The following SMARCAD1 variants were observed in gnomAD, a reference collection of about 807,000 sequenced individuals.
SMARCAD1 encodes SWI/SNF-related matrix-associated actin-dependent regulator of chromatin subfamily A containing DEAD/H box 1.
A neutral mutation model predicts 127.1 loss-of-function variants in SMARCAD1; 25 were observed. The ratio of observed to expected loss-of-function variants is 0.20; its 90% CI spans 0.14 to 0.27. The LOEUF (loss-of-function observed/expected upper bound fraction) is 0.27. Ranked by LOEUF, SMARCAD1 falls within the 10% of genes least tolerant of loss-of-function variation. SMARCAD1 has a pLI of 1.00. For synonymous variants in SMARCAD1, 400 were observed against 396.9 expected (o/e 1.01, Z -0.09); for missense variants, 807 against 1,206.0 (o/e 0.67, Z 4.90).
chr4:94,276,476 T>C lies in SMARCAD1; in HGVS notation c.1944+2T>C. ...TACCAGCACCTTATGACAATTAATG[T>C]AAGAGAATGTTTGTAAAGTTTTCCA... On this transcript the variant is annotated splice_donor_variant, in intron 15 of 23. Transcript: ENST00000354268. LOFTEE classifies it high-confidence loss of function. 1 of 1,614,102 alleles carries C rather than the reference T, an allele frequency of 6.2e-7. No homozygotes were observed. The highest frequency in any genetic ancestry group is 8.5e-7 in the Non-Finnish European group (1 of 1,180,004).
chr4:94,269,385 T>C (rs1462382285), intron 10 of SMARCAD1, among the ~76,000 whole-genome samples: 3 of 152,168 alleles, frequency 2.0e-5, no homozygotes, highest in Admixed American at 2.0e-4. Context: ...TTCACATTAA[T>C]GTAAGGTGTT....
chr4:94,226,164 G>A lies in SMARCAD1; in HGVS notation c.236G>A (p.Ser79Asn), dbSNP rs371482856. The A allele has an allele frequency of 1.2e-6, 2 of 1,611,816 alleles. No individual in the cohort carries two copies. Among genetic ancestry groups the A allele is most frequent in the South Asian group, 1.1e-5 (1 of 90,948 alleles). ...PETPDNERKA[S>N]ISYFKNQRGI... ...ACTCCAGATAATGAAAGAAAAGCAAGTATATCATATTTCAAAAATCAAAGA... is the reference window on the plus strand; with the variant it reads ...ACTCCAGATAATGAAAGAAAAGCAAATATATCATATTTCAAAAATCAAAGA... Residue 79 changes from serine to asparagine, a missense_variant, in exon 3 of 24, where the codon AGT (serine) becomes AAT (asparagine). Around this residue, in one of 8 missense-constraint regions of SMARCAD1, gnomAD observed 175 missense variants for 169.5 expected, o/e 1.03. Transcript: ENST00000354268.
At chr4:94,250,280 T>C (rs1249726040) in intron 7 of SMARCAD1, among the ~76,000 whole-genome samples, 1 of 152,010 alleles carries the variant, frequency 6.6e-6, no homozygotes, top group South Asian at 2.1e-4. Flanking sequence ...CATATTTGTT[T>C]AGCATTTAGA....
At chr4:94,246,731 G>A (rs1748485663) in intron 6 of SMARCAD1, among the ~76,000 whole-genome samples, 1 of 152,092 alleles carries the variant, frequency 6.6e-6, no homozygotes, top group African/African-American at 2.4e-5. Context: ...CAGTATAGTG[G>A]ATCAAGTGAT....
At chr4:94,212,614 G>T (rs1742460336) in intron 2 of SMARCAD1, among the ~76,000 whole-genome samples, 1 of 152,010 alleles carries the variant, frequency 6.6e-6, no homozygotes, top group Non-Finnish European at 1.5e-5. Context: ...AGCCTCCCAA[G>T]TAGCTGAGAC....
chr4:94,228,757 C>T (rs1745393776), intron 3 of SMARCAD1, among the ~76,000 whole-genome samples: 1 of 151,922 alleles, frequency 6.6e-6, no homozygotes, highest in Non-Finnish European at 1.5e-5. Context: ...AGTCCCTGGA[C>T]CATATTTTCA....
chr4:94,239,854 T>G (rs956105332), intron 5 of SMARCAD1, among the ~76,000 whole-genome samples: 6 of 152,176 alleles, frequency 3.9e-5, no homozygotes, highest in Non-Finnish European at 7.3e-5. Context: ...ATTACAGGCA[T>G]GAGCTGTGCA....
chr4:94,231,153 G>C (rs1225237901), intron 3 of SMARCAD1, among the ~76,000 whole-genome samples: 1 of 152,166 alleles, frequency 6.6e-6, no homozygotes, highest in African/African-American at 2.4e-5. Flanking sequence ...TGAAATGGAG[G>C]AGAATGGGGT....
intron 23 of SMARCAD1, 30 bp downstream of exon 23, chr4:94,285,099 ATT>A (rs1560572211): frequency 3.0e-5 from 40 of 1,330,574 alleles, no homozygotes; most frequent in Non-Finnish European, 4.0e-5. Context: ...AAACTTCAAT[ATT>A]TATCTATATG....
intron 2 of SMARCAD1, among the ~76,000 whole-genome samples, chr4:94,223,088 T>A (rs1345039393): frequency 6.6e-6 from 1 of 152,172 alleles, no homozygotes; most frequent in Non-Finnish European, 1.5e-5. Flanking sequence ...CTAGTTCTCC[T>A]AATCCTCACT....
chr4:94,278,154 C>T (rs1203447913), intron 16 of SMARCAD1, among the ~76,000 whole-genome samples: 1 of 152,194 alleles, frequency 6.6e-6, no homozygotes, highest in Admixed American at 6.5e-5. Context: ...CAGTTGATGA[C>T]TTCTGAACAC....
intron 7 of SMARCAD1, among the ~76,000 whole-genome samples, chr4:94,250,023 C>T (rs932942862): frequency 6.6e-6 from 1 of 151,860 alleles, no homozygotes; most frequent in African/African-American, 2.4e-5. Context: ...ACATGTAAGT[C>T]ATCTAGAAAG....
intron 23 of SMARCAD1, among the ~76,000 whole-genome samples, chr4:94,285,533 T>G (rs571652043): frequency 6.8e-4 from 103 of 152,306 alleles, no homozygotes; most frequent in Admixed American, 2.7e-3. Flanking sequence ...AATAAGCAAG[T>G]TTTTTCATTC....
Position 94,290,290 on chromosome 4 carries a change from G to A in SMARCAD1, c.*756G>A, listed in dbSNP as rs1213902552. 2.2e-6 allele frequency: 1 copy of A among 454,446 alleles called. No homozygotes were observed. Among genetic ancestry groups the A allele is most frequent in the Admixed American group, 2.3e-5 (1 of 42,558 alleles). The allele number at this position is 454,446 out of a possible 1,614,324, so 28.2% of individuals were successfully genotyped here. A position where few individuals can be genotyped will look rare whatever the true frequency, so the allele number is the denominator to read the frequency against. On this transcript the variant is annotated 3_prime_UTR_variant, in exon 24 of 24. Transcript: ENST00000354268. Reference sequence around the variant, plus strand: ...GCCTAATCTTGTGCATGTTTTCATTGATTTCCCTCTCCCGGCTTTTGCTTC... The same window carrying A: ...GCCTAATCTTGTGCATGTTTTCATTAATTTCCCTCTCCCGGCTTTTGCTTC...
chr4:94,234,171 G>T (rs767670844), intron 4 of SMARCAD1, 49 bp downstream of exon 4: 36 of 1,496,912 alleles, frequency 2.4e-5, no homozygotes, highest in Admixed American at 3.9e-5. Flanking sequence ...AATCTCTCCT[G>T]CATTCAGTGC....
At chr4:94,270,897 CTTT>C (rs571705829) in intron 11 of SMARCAD1, 79 bp downstream of exon 11, 14 of 1,311,034 alleles carry the variant, frequency 1.1e-5, no homozygotes, top group Non-Finnish European at 1.5e-5. Flanking sequence ...AAACATGAAA[CTTT>C]TTTTTGCTAC....
At position 94,276,368 on chromosome 4, in the gene SMARCAD1, A is replaced by G; in HGVS notation, c.1838A>G (p.Asp613Gly). ...AACTGTGCGATCAGCAGTTCTGATG[A>G]CCGTAGTCTGTTTCGACGGCTGAAA... The part of the protein sequence containing the change: ...TYNCAISSSD[D>G]RSLFRRLKLN... Residue 613 changes from aspartate to glycine, a missense_variant, in exon 15 of 24, where the codon GAC becomes GGC. By Grantham distance (94) the Asp-to-Gly change is moderately conservative (BLOSUM62 -1). Transcript: ENST00000354268. 6.2e-7 allele frequency: 1 copy of G among 1,614,134 alleles called. No individual in the cohort carries two copies. The highest frequency in any genetic ancestry group is 8.5e-7 in the Non-Finnish European group (1 of 1,180,028).
At chr4:94,247,646 G>C (rs982653999) in intron 6 of SMARCAD1, among the ~76,000 whole-genome samples, 1 of 151,994 alleles carries the variant, frequency 6.6e-6, no homozygotes, top group South Asian at 2.1e-4. Context: ...TCATCACCTC[G>C]TAATAGCATG....
chr4:94,279,960 G>A (rs934668463), intron 19 of SMARCAD1, among the ~76,000 whole-genome samples: 1 of 151,870 alleles, frequency 6.6e-6, no homozygotes, highest in Non-Finnish European at 1.5e-5. Flanking sequence ...CGCCTCCCAG[G>A]TTCAAGTGAT....
Sources: gnomAD v4.1 joint callset for allele counts (sites outside exome capture counted in the v4.1 genomes callset) on GRCh38, gnomAD v4.1.1 for gene constraint, gnomAD v4.1.1 regional missense constraint, MANE v1.5 for transcripts, NCBI Gene and HGNC (gene_info 2026-07-23, HGNC 2026-07-21) for gene names.